Variants in MARCHF8 observed in about 807,000 individuals in gnomAD.
MARCHF8 encodes membrane associated ring-CH-type finger 8.
A neutral mutation model predicts 51.6 loss-of-function variants in MARCHF8; 40 were observed. The observed-to-expected ratio is 0.77, with a 90% CI of 0.60 to 1.01. MARCHF8 has a LOEUF of 1.01. MARCHF8 is among the 50% of genes least tolerant of loss of function. The pLI, the probability that MARCHF8 is intolerant of heterozygous loss-of-function variation, is 0.00. For missense variants in MARCHF8, 685 were observed against 708.6 expected (o/e 0.97, Z 0.38); for synonymous variants, 263 against 280.3 (o/e 0.94, Z 0.62).
rs185009308 is a variant in MARCHF8 at position 45,550,693 on chromosome 10, T to C, written c.-78-17404A>G. Among the ~76,000 whole-genome samples the C allele has an allele frequency of 1.4e-3, 213 of 152,182 alleles. 3 individuals carry two copies. Among genetic ancestry groups the C allele is most frequent in the Admixed American group, 0.012 (183 of 15,276 alleles). ...ACCCCTGTACATGCCATGTACAACC[T>C]TACCCTTGTTCATTCTGTCCCACCT... On this transcript the variant is annotated intron_variant, in intron 1 of 6. Transcript: ENST00000319836.
intron 1 of MARCHF8, among the ~76,000 whole-genome samples, chr10:45,544,681 C>T (rs2044098456): frequency 6.6e-6 from 1 of 152,112 alleles, no homozygotes; most frequent in Non-Finnish European, 1.5e-5. Context: ...CAGTGATTGC[C>T]TCATGTTGGG....
chr10:45,489,244 T>G (rs950719894), intron 3 of MARCHF8, 123 bp downstream of exon 3: 2 of 750,992 alleles, frequency 2.7e-6, no homozygotes, highest in Non-Finnish European at 4.3e-6. Flanking sequence ...CAGAACAGAT[T>G]ACAGAAATGT....
chr10:45,463,096 G>A (rs928574465), intron 5 of MARCHF8, 55 bp downstream of exon 5: 11 of 1,496,188 alleles, frequency 7.4e-6, no homozygotes, highest in Middle Eastern at 2.3e-4. Context: ...TAAAGCAAGA[G>A]GAGGTTCCTG....
At chr10:45,505,617 C>G (rs991377752) in intron 2 of MARCHF8, among the ~76,000 whole-genome samples, 1 of 152,186 alleles carries the variant, frequency 6.6e-6, no homozygotes, top group Non-Finnish European at 1.5e-5. Context: ...CAATTAGAGC[C>G]ATCTGGAGCT....
At chr10:45,498,507 G>T (rs61105741) in intron 2 of MARCHF8, among the ~76,000 whole-genome samples, 2 of 150,248 alleles carry the variant, frequency 1.3e-5, no homozygotes, top group Admixed American at 1.3e-4. Context: ...GAGAAGTCTC[G>T]CTCTGTCACC....
intron 1 of MARCHF8, among the ~76,000 whole-genome samples, chr10:45,544,449 G>A (rs1167409715): frequency 1.3e-5 from 2 of 152,024 alleles, no homozygotes; most frequent in African/African-American, 4.8e-5. Flanking sequence ...CCTCATAATA[G>A]CCCAAAACTG....
chr10:45,503,499 C>T (rs954639187), intron 2 of MARCHF8, among the ~76,000 whole-genome samples: 1 of 151,698 alleles, frequency 6.6e-6, no homozygotes, highest in African/African-American at 2.4e-5. Context: ...TATCGTGCCA[C>T]TGCATTCCAG....
At chr10:45,566,517 C>T (rs543111382) in intron 1 of MARCHF8, among the ~76,000 whole-genome samples, 2 of 152,188 alleles carry the variant, frequency 1.3e-5, no homozygotes, top group East Asian at 1.9e-4. Context: ...AGTGAGAACA[C>T]GCAAGGCTTG....
chr10:45,516,570 C>G (rs1280047674), intron 2 of MARCHF8, among the ~76,000 whole-genome samples: 1 of 152,172 alleles, frequency 6.6e-6, no homozygotes, highest in African/African-American at 2.4e-5. Flanking sequence ...TCGAGACCAG[C>G]CTGGACAATA....
intron 3 of MARCHF8, among the ~76,000 whole-genome samples, chr10:45,488,333 C>T (rs1487159836): frequency 6.6e-6 from 1 of 152,116 alleles, no homozygotes; most frequent in Non-Finnish European, 1.5e-5. Context: ...GCTAACAGAC[C>T]TGTTAATCCT....
chr10:45,513,337 G>T (rs542364461), intron 2 of MARCHF8, among the ~76,000 whole-genome samples: 1 of 152,266 alleles, frequency 6.6e-6, no homozygotes, highest in African/African-American at 2.4e-5. Flanking sequence ...CTTTAGTGCA[G>T]AATGTACTCA....
At chr10:45,512,003 G>A (rs1433915462) in intron 2 of MARCHF8, among the ~76,000 whole-genome samples, 4 of 149,260 alleles carry the variant, frequency 2.7e-5, no homozygotes, top group Admixed American at 6.7e-5. Context: ...AGGAAGTGAG[G>A]AGCGCCTCTT....
intron 1 of MARCHF8, among the ~76,000 whole-genome samples, chr10:45,564,838 A>G (rs1287572117): frequency 6.6e-6 from 1 of 152,098 alleles, no homozygotes; most frequent in Non-Finnish European, 1.5e-5. Context: ...AACAACATCT[A>G]TAATGCTCAA....
intron 1 of MARCHF8, among the ~76,000 whole-genome samples, chr10:45,579,366 CTT>C (rs765304674): frequency 7.0e-6 from 1 of 143,012 alleles, no homozygotes; most frequent in Non-Finnish European, 1.5e-5. Flanking sequence ...ACTAGGTAAG[CTT>C]TTTTTTTTTA....
At chr10:45,520,257 C>T (rs1231138674) in intron 2 of MARCHF8, among the ~76,000 whole-genome samples, 4 of 151,986 alleles carry the variant, frequency 2.6e-5, no homozygotes, top group Admixed American at 6.6e-5. Context: ...AGCCATTATT[C>T]GAAATATAAA....
intron 1 of MARCHF8, among the ~76,000 whole-genome samples, chr10:45,556,309 T>C (rs1422367407): frequency 6.6e-6 from 1 of 152,166 alleles, no homozygotes; most frequent in Non-Finnish European, 1.5e-5. Flanking sequence ...GAAATAACTT[T>C]GGGATGATAG....
intron 3 of MARCHF8, among the ~76,000 whole-genome samples, chr10:45,483,076 T>C (rs1228505103): frequency 6.6e-6 from 1 of 152,126 alleles, no homozygotes; most frequent in African/African-American, 2.4e-5. Flanking sequence ...AAGACATTGA[T>C]CTAGGCAATG....
intron 1 of MARCHF8, among the ~76,000 whole-genome samples, chr10:45,555,735 C>A (rs374200892): frequency 7.5e-5 from 11 of 146,062 alleles, no homozygotes; most frequent in African/African-American, 2.5e-4. Flanking sequence ...CATTGTAAGA[C>A]CCTGTCTCAA....
chr10:45,565,570 CA>C (rs1435462621), intron 1 of MARCHF8, among the ~76,000 whole-genome samples: 2 of 143,774 alleles, frequency 1.4e-5, no homozygotes, highest in Non-Finnish European at 3.0e-5. Flanking sequence ...GATGCAACTG[CA>C]AAAAAATAAA....
Sources: gnomAD v4.1 joint callset for allele counts (sites outside exome capture counted in the v4.1 genomes callset) on GRCh38, gnomAD v4.1.1 for gene constraint, MANE v1.5 for transcripts, NCBI Gene and HGNC (gene_info 2026-07-23, HGNC 2026-07-21) for gene names.